Variants in POU2F1 observed in about 807,000 individuals in gnomAD.
POU2F1 encodes the protein POU class 2 homeobox 1.
In POU2F1, 16 loss-of-function variants were observed where a neutral mutation model predicts 84.9. That is an observed-to-expected ratio of 0.19 (90% CI 0.13 to 0.29). The LOEUF is 0.29. Among genes scored for constraint, POU2F1 ranks in the 10% least tolerant of loss-of-function variants. POU2F1 has a pLI of 1.00. For synonymous variants in POU2F1, 368 were observed against 368.3 expected, an observed-to-expected ratio of 1.00 and a Z score of 0.01; for missense variants, 738 against 942.6, an observed-to-expected ratio of 0.78 and a Z score of 2.84.
chr1:167,303,536 G>C (rs902376449), intron 1 of POU2F1: 1 of 154,232 alleles, frequency 6.5e-6, no homozygotes, highest in Non-Finnish European at 1.5e-5. Flanking sequence ...AGTTTTCAAT[G>C]AATCAGTTCA....
chr1:167,390,771 CAG>C (rs1243713315), intron 9 of POU2F1, among the ~76,000 whole-genome samples: 1 of 152,068 alleles, frequency 6.6e-6, no homozygotes, highest in Non-Finnish European at 1.5e-5. Flanking sequence ...GCCTGGGTGA[CAG>C]AGCAAGACAC....
chr1:167,237,708 T>G (rs566194390), intron 1 of POU2F1, among the ~76,000 whole-genome samples: 47 of 149,588 alleles, frequency 3.1e-4, no homozygotes, highest in Non-Finnish European at 5.5e-4. Flanking sequence ...GTTAATTGAG[T>G]TACTGGTTTT....
At chr1:167,240,454 C>T (rs137994665) in intron 1 of POU2F1, among the ~76,000 whole-genome samples, 157 of 152,050 alleles carry the variant, frequency 1.0e-3, no homozygotes, top group African/African-American at 3.5e-3. Flanking sequence ...TTTATATACT[C>T]GTGGGTAATT....
At position 167,418,162 on chromosome 1, in the gene POU2F1, A is replaced by G. The variant is rs1262148573; in HGVS notation, c.*2352A>G. 3 of 152,242 alleles carry G rather than the reference A, an allele frequency of 2.0e-5. No homozygotes were observed. The highest frequency in any genetic ancestry group is 7.2e-5 in the African/African-American group (3 of 41,464). The allele number at this position is 152,242 out of a possible 1,614,324, so 9.4% of individuals were successfully genotyped here. On this transcript the variant is annotated 3_prime_UTR_variant, in exon 16 of 16. Coordinates refer to ENST00000367866, the MANE Select transcript of POU2F1 (RefSeq NM_002697.4). ...CGTGCAGTTCAGACACATCGAGGAG[A>G]TAGATGCTACTGACAATTTCTTTTT...
intron 1 of POU2F1, among the ~76,000 whole-genome samples, chr1:167,259,696 G>T (rs976090039): frequency 2.6e-5 from 4 of 152,128 alleles, no homozygotes; most frequent in Admixed American, 1.3e-4. Context: ...GATACTGCGA[G>T]AGTGACTATA....
At chr1:167,229,085 T>C (rs917262451) in intron 1 of POU2F1, among the ~76,000 whole-genome samples, 5 of 152,194 alleles carry the variant, frequency 3.3e-5, no homozygotes, top group African/African-American at 1.2e-4. Flanking sequence ...TTTGGGGCTC[T>C]ATTGTGGAGA....
rs1453725371 is a variant in POU2F1, at chr1:167,263,612, C to A, written c.61+42654C>A. The stretch of plus-strand genomic sequence containing the variant: ...GTTATGTACCACAGATAGATATAAA[C>A]TTCCAAAAACACAGTTCCGATTGGT... On this transcript the variant is annotated intron_variant, in intron 1 of 15. Coordinates refer to ENST00000367866, the MANE Select transcript of POU2F1 (RefSeq NM_002697.4). Among the ~76,000 whole-genome samples the A allele has an allele frequency of 2.0e-5, 3 of 152,094 alleles. No homozygotes were observed. In the East Asian group the frequency reaches 5.8e-4, roughly 29 times the overall value.
intron 1 of POU2F1, among the ~76,000 whole-genome samples, chr1:167,227,880 G>A (rs912647272): frequency 5.3e-5 from 8 of 152,192 alleles, no homozygotes; most frequent in Admixed American, 5.2e-4. Context: ...TATTATAGCT[G>A]GAAGGTAATT....
intron 1 of POU2F1, among the ~76,000 whole-genome samples, chr1:167,263,261 T>C (rs1651699262): frequency 6.6e-6 from 1 of 152,208 alleles, no homozygotes; most frequent in Non-Finnish European, 1.5e-5. Context: ...GGCTCATGCC[T>C]GTAATCCCAG....
intron 1 of POU2F1, among the ~76,000 whole-genome samples, chr1:167,269,607 T>C (rs1463132133): frequency 6.6e-6 from 1 of 152,170 alleles, no homozygotes; most frequent in Non-Finnish European, 1.5e-5. Context: ...TCTGTTATTT[T>C]AATATGGTAA....
At chr1:167,285,508 C>T (rs1653464201) in intron 1 of POU2F1, among the ~76,000 whole-genome samples, 1 of 151,772 alleles carries the variant, frequency 6.6e-6, no homozygotes, top group South Asian at 2.1e-4. Context: ...AGGAGAATGG[C>T]GTGAACCCCG....
At chr1:167,260,381 A>G (rs889183086) in intron 1 of POU2F1, among the ~76,000 whole-genome samples, 2 of 152,076 alleles carry the variant, frequency 1.3e-5, no homozygotes, top group African/African-American at 2.4e-5. Context: ...TTTTAATACT[A>G]TTGTATTTAT....
intron 1 of POU2F1, among the ~76,000 whole-genome samples, chr1:167,266,295 G>T (rs189922803): frequency 1.8e-4 from 27 of 152,158 alleles, no homozygotes; most frequent in Non-Finnish European, 3.2e-4. Context: ...TCCGAAGGTG[G>T]ATTTGGAAAT....
chr1:167,402,899 A>G (rs1649306935), intron 13 of POU2F1, among the ~76,000 whole-genome samples: 1 of 152,202 alleles, frequency 6.6e-6, no homozygotes, highest in South Asian at 2.1e-4. Context: ...CCAACAAATT[A>G]TATTGCTTTA....
chr1:167,333,156 T>C (rs548795453), intron 2 of POU2F1, among the ~76,000 whole-genome samples: 2 of 152,286 alleles, frequency 1.3e-5, no homozygotes, highest in East Asian at 3.9e-4. Context: ...TTAAACCTTT[T>C]ATCAAGAGAA....
intron 1 of POU2F1, among the ~76,000 whole-genome samples, chr1:167,263,381 G>A (rs1008344904): frequency 4.6e-5 from 7 of 152,030 alleles, no homozygotes; most frequent in South Asian, 2.1e-4. Context: ...TTAGCCGGGC[G>A]TGGTAGCATA....
intron 2 of POU2F1, among the ~76,000 whole-genome samples, chr1:167,340,364 G>A (rs939189448): frequency 6.6e-6 from 1 of 151,798 alleles, no homozygotes; most frequent in African/African-American, 2.4e-5. Context: ...AGAGGTGTGA[G>A]CAACTGCACC....
chr1:167,320,283 G>A (rs1656218972), intron 1 of POU2F1, among the ~76,000 whole-genome samples: 1 of 152,204 alleles, frequency 6.6e-6, no homozygotes, highest in African/African-American at 2.4e-5. Context: ...TTGAGCTGAA[G>A]TATAGGGCGT....
chr1:167,374,842 C>G (rs1172652127), intron 6 of POU2F1, among the ~76,000 whole-genome samples: 5 of 152,106 alleles, frequency 3.3e-5, no homozygotes, highest in African/African-American at 1.2e-4. Context: ...CCGAGGCGGG[C>G]GGATCACTAG....
Sources: allele counts gnomAD v4.1 joint callset (sites outside exome capture counted in the v4.1 genomes callset), GRCh38; gene constraint gnomAD v4.1.1; transcripts MANE v1.5; gene names NCBI Gene and HGNC (gene_info 2026-07-23, HGNC 2026-07-21).